The following LRRK1 variants were observed in gnomAD, a reference collection of about 807,000 sequenced individuals.
LRRK1 encodes leucine rich repeat kinase 1.
A neutral mutation model predicts 209.1 loss-of-function variants in LRRK1; 113 were observed. That is an observed-to-expected ratio of 0.54 (90% CI 0.46 to 0.63). The LOEUF is 0.63. LRRK1 is among the 30% of genes least tolerant of loss of function. LRRK1 has a pLI of 0.00. For missense variants in LRRK1, 2,284 were observed against 2,632.2 expected (o/e 0.87, Z 2.89); for synonymous variants, 1,144 against 1,099.7 (o/e 1.04, Z -0.80).
At chr15:100,931,064 T>C (rs73480697) in intron 2 of LRRK1, among the ~76,000 whole-genome samples, 9,781 of 152,284 alleles carry the variant, frequency 0.064, 896 homozygotes, top group African/African-American at 0.21. Flanking sequence ...TTGGGTGACA[T>C]TTGTCATAAA....
intron 2 of LRRK1, among the ~76,000 whole-genome samples, chr15:100,953,360 A>G (rs569607607): frequency 1.3e-5 from 2 of 152,300 alleles, no homozygotes; most frequent in Admixed American, 6.5e-5. Flanking sequence ...GATTCCACAT[A>G]TAAGTGAGAT....
At chr15:101,057,118 G>C (rs2141144745) in intron 28 of LRRK1, 68 bp downstream of exon 28, 2 of 1,415,572 alleles carry the variant, frequency 1.4e-6, no homozygotes, top group Non-Finnish European at 1.9e-6. Flanking sequence ...GGTCCCCAGG[G>C]GGTGTGTGCC....
rs2036665224 is a variant in LRRK1, at chr15:101,068,659, T to C, written c.5871-12T>C. On this transcript the variant is annotated splice_polypyrimidine_tract_variant and intron_variant, in intron 33 of 33. Coordinates refer to ENST00000388948, the MANE Select transcript of LRRK1 (RefSeq NM_024652.6). ...CCCCTGTGAGTTTCCTCAGACCCCC[T>C]TCTCTCTGCAGGGTGCTGGTGGATG... 1 of 1,566,112 alleles carries C rather than the reference T, an allele frequency of 6.4e-7. No individual in the cohort carries two copies. The highest frequency in any genetic ancestry group is 8.7e-7 in the Non-Finnish European group (1 of 1,152,750).
chr15:101,064,255 T>C (rs776090000), intron 31 of LRRK1, among the ~76,000 whole-genome samples: 1 of 152,244 alleles, frequency 6.6e-6, no homozygotes, highest in Non-Finnish European at 1.5e-5. Context: ...GACAGTGAGC[T>C]ACGGGTCTCC....
rs574454427 is a variant in LRRK1 at position 100,971,420 on chromosome 15, G to A, written c.98-2384G>A. Reference sequence around the variant, plus strand: ...CCTGTCTTATTCATCCTTTCAGAGAGGCAGCACAAAGATGGGTTGGGTTTA... The same window carrying A: ...CCTGTCTTATTCATCCTTTCAGAGAAGCAGCACAAAGATGGGTTGGGTTTA... On this transcript the variant is annotated intron_variant, in intron 2 of 33. Coordinates refer to ENST00000388948, the MANE Select transcript of LRRK1 (RefSeq NM_024652.6). 7.9e-5 allele frequency among the ~76,000 whole-genome samples: 12 copies of A among 152,188 alleles called. No homozygotes were observed. In the South Asian group the frequency reaches 2.5e-3, roughly 32 times the overall value.
rs748515679 is a variant in LRRK1 at position 100,940,464 on chromosome 15, C to G, written c.97+15735C>G. On this transcript the variant is annotated intron_variant, in intron 2 of 33. Coordinates refer to ENST00000388948, the MANE Select transcript of LRRK1 (RefSeq NM_024652.6). Reference sequence around the variant, plus strand: ...ACTCTTTTATCTCTGCTCCCGGCCTCCTTGTCTTTTGGTGCTGCATCCTCC... The same window carrying G: ...ACTCTTTTATCTCTGCTCCCGGCCTGCTTGTCTTTTGGTGCTGCATCCTCC... Among the ~76,000 whole-genome samples, 87 of 152,194 alleles carry G rather than the reference C, an allele frequency of 5.7e-4. 1 individual carries two copies. The highest frequency in any genetic ancestry group is 1.6e-4 in the Non-Finnish European group (11 of 68,028).
chr15:100,940,051 A>C (rs1287834944), intron 2 of LRRK1, among the ~76,000 whole-genome samples: 1 of 152,220 alleles, frequency 6.6e-6, no homozygotes, highest in South Asian at 2.1e-4. Context: ...CAAGACATCC[A>C]GGGCCAGATT....
intron 31 of LRRK1, among the ~76,000 whole-genome samples, chr15:101,063,468 GC>G (rs575135600): frequency 3.5e-4 from 54 of 152,312 alleles, no homozygotes; most frequent in African/African-American, 1.3e-3. Context: ...TTGAGAAGCT[GC>G]CCCTCAGTGG....
At chr15:101,025,402 G>C (rs766787570) in intron 16 of LRRK1, among the ~76,000 whole-genome samples, 3 of 152,202 alleles carry the variant, frequency 2.0e-5, no homozygotes, top group African/African-American at 4.8e-5. Context: ...AGGAGCACAG[G>C]TGCTGCCTGG....
At position 101,074,265 on chromosome 15, in the gene LRRK1, C is replaced by T. The variant is rs2036904467; in HGVS notation, c.*5417C>T. 6.6e-6 allele frequency: 1 copy of T among 152,170 alleles called. No homozygotes were observed. Among genetic ancestry groups the T allele is most frequent in the South Asian group, 2.1e-4 (1 of 4,818 alleles). The allele number at this position is 152,170 out of a possible 1,614,324, so 9.4% of individuals were successfully genotyped here. A position where few individuals can be genotyped will look rare whatever the true frequency, so the allele number is the denominator to read the frequency against. On this transcript the variant is annotated 3_prime_UTR_variant, in exon 34 of 34. Coordinates refer to ENST00000388948, the MANE Select transcript of LRRK1 (RefSeq NM_024652.6). ...TCCCAATTCTTCCTCAGCCTCCGCTCCTCCACCATATAATCTTTTTATCAC... is the reference window on the plus strand; with the variant it reads ...TCCCAATTCTTCCTCAGCCTCCGCTTCTCCACCATATAATCTTTTTATCAC...
At chr15:100,947,514 A>C (rs778043289) in intron 2 of LRRK1, among the ~76,000 whole-genome samples, 4 of 152,280 alleles carry the variant, frequency 2.6e-5, no homozygotes, top group African/African-American at 7.2e-5. Context: ...TTTTAACTCA[A>C]TATTGGAGTT....
intron 2 of LRRK1, among the ~76,000 whole-genome samples, chr15:100,934,984 G>A (rs757233970): frequency 1.3e-5 from 2 of 152,122 alleles, no homozygotes; most frequent in Non-Finnish European, 1.5e-5. Context: ...CCACAGGAAG[G>A]CTGGGAAGAA....
At position 101,053,407 on chromosome 15, in the gene LRRK1, C is replaced by A; in HGVS notation, c.4041C>A (p.Ser1347=). 2.5e-6 allele frequency: 4 copies of A among 1,594,938 alleles called. No individual in the cohort carries two copies. The highest frequency in any genetic ancestry group is 3.4e-6 in the Non-Finnish European group (4 of 1,177,222). Residue 1347 remains serine (S), a synonymous_variant, in exon 26 of 34, where the codon TCC becomes TCA. Transcript: ENST00000388948. The part of the protein sequence containing the change: ...APLSSLNTVL[S]ENARDSSFIP... ...TCAGCAGCCTCAACACCGTGCTGTC[C>A]GAGAACGCCAGAGGTACCGCGGCGC...
intron 2 of LRRK1, among the ~76,000 whole-genome samples, chr15:100,932,310 T>C (rs968318485): frequency 1.9e-4 from 29 of 152,302 alleles, no homozygotes; most frequent in African/African-American, 6.5e-4. Flanking sequence ...TCCTAACCTC[T>C]TCCAAAGCAC....
At chr15:100,943,301 G>A (rs2042477434) in intron 2 of LRRK1, among the ~76,000 whole-genome samples, 1 of 152,082 alleles carries the variant, frequency 6.6e-6, no homozygotes, top group South Asian at 2.1e-4. Flanking sequence ...CCCCTCCCTT[G>A]GGCAAGTCAC....
intron 2 of LRRK1, among the ~76,000 whole-genome samples, chr15:100,967,774 C>G (rs1185532173): frequency 6.6e-6 from 1 of 152,230 alleles, no homozygotes; most frequent in East Asian, 1.9e-4. Context: ...TCTTGCCTTT[C>G]TATCCAACCA....
At chr15:100,993,781 A>T (rs1185765535) in intron 6 of LRRK1, among the ~76,000 whole-genome samples, 2 of 152,260 alleles carry the variant, frequency 1.3e-5, no homozygotes, top group Middle Eastern at 6.8e-3. Flanking sequence ...CTATTAGTAT[A>T]TATTTTTCCA....
chr15:101,062,797 C>T (rs924432019), intron 31 of LRRK1, 107 bp downstream of exon 31: 1 of 805,678 alleles, frequency 1.2e-6, no homozygotes. Context: ...CACCTAGGAC[C>T]ACCTGGCCTA....
At chr15:100,957,135 C>T (rs1596196677) in intron 2 of LRRK1, among the ~76,000 whole-genome samples, 1 of 152,102 alleles carries the variant, frequency 6.6e-6, no homozygotes, top group South Asian at 2.1e-4. Flanking sequence ...TCTAGTTTTA[C>T]ACCATTATGA....
Sources: allele counts gnomAD v4.1 joint callset (sites outside exome capture counted in the v4.1 genomes callset), GRCh38; gene constraint gnomAD v4.1.1; transcripts MANE v1.5; gene names NCBI Gene and HGNC (gene_info 2026-07-23, HGNC 2026-07-21).